The following CSMD1 variants were observed in gnomAD, a reference collection of about 807,000 sequenced individuals.
The protein encoded by CSMD1 is CUB and Sushi multiple domains 1.
In CSMD1, 213 loss-of-function variants were observed where a neutral mutation model predicts 417.5. The observed-to-expected ratio is 0.51, with a 90% confidence interval of 0.46 to 0.57. The LOEUF (loss-of-function observed/expected upper bound fraction) is 0.57, where lower values mean the gene tolerates loss of function less well. CSMD1 is among the 20% of genes least tolerant of loss of function. CSMD1 has a pLI of 0.00. For missense variants in CSMD1, 6,923 were observed against 4,529.7 expected (o/e 1.53, Z -15.17); for synonymous variants, 2,862 against 1,736.8 (o/e 1.65, Z -16.11).
chr8:4,524,884 C>G (rs1796438785), intron 2 of CSMD1, among the ~76,000 whole-genome samples: 1 of 152,066 alleles, frequency 6.6e-6, no homozygotes, highest in Non-Finnish European at 1.5e-5. Flanking sequence ...ACCATGACTT[C>G]TAAGTATTCT....
intron 4 of CSMD1, among the ~76,000 whole-genome samples, chr8:4,028,415 T>A (rs557373675): frequency 3.3e-5 from 5 of 151,992 alleles, no homozygotes; most frequent in South Asian, 2.1e-4. Context: ...TGTGGGGTGG[T>A]GGTAGTAGTA....
At chr8:4,293,258 G>C (rs1482588216) in intron 3 of CSMD1, among the ~76,000 whole-genome samples, 2 of 152,142 alleles carry the variant, frequency 1.3e-5, no homozygotes, top group East Asian at 1.9e-4. Flanking sequence ...GTCGTGGAGA[G>C]ACACAACAAG....
intron 5 of CSMD1, among the ~76,000 whole-genome samples, chr8:3,767,629 A>G (rs1315521118): frequency 2.0e-5 from 3 of 152,234 alleles, no homozygotes; most frequent in African/African-American, 7.2e-5. Context: ...ACTTGCATAT[A>G]TATTCACGCA....
chr8:3,242,006 T>G (rs1799563575), intron 26 of CSMD1, among the ~76,000 whole-genome samples: 1 of 76,558 alleles, frequency 1.3e-5, no homozygotes, highest in Admixed American at 1.3e-4. Flanking sequence ...CTGTAAAGCG[T>G]CTCAGGTTTG....
intron 3 of CSMD1, among the ~76,000 whole-genome samples, chr8:4,065,834 A>G (rs187821834): frequency 7.9e-5 from 12 of 152,316 alleles, no homozygotes; most frequent in African/African-American, 2.2e-4. Flanking sequence ...TTTTTGGAAT[A>G]TATTTTAAAA....
intron 39 of CSMD1, 108 bp downstream of exon 39, chr8:3,157,789 T>C (rs1819626757): frequency 1.1e-6 from 1 of 896,700 alleles, no homozygotes. Flanking sequence ...ATAACACGTG[T>C]TTTGAAATTA....
intron 1 of CSMD1, among the ~76,000 whole-genome samples, chr8:4,790,808 C>G (rs1797646680): frequency 6.6e-6 from 1 of 152,122 alleles, no homozygotes; most frequent in African/African-American, 2.4e-5. Flanking sequence ...AAATTCCTAC[C>G]TTTCACCATA....
In CSMD1 at chr8:3,417,151, G is replaced by A. The variant is rs560456944; in HGVS notation, c.1562-7546C>T. 1.2e-4 allele frequency among the ~76,000 whole-genome samples: 19 copies of A among 152,292 alleles called. No homozygotes were observed. The East Asian group carries it at 3.3e-3, about 26-fold the overall frequency. ...GACATATGAAATATAGCAGGTTGCT[G>A]CAGTCTTTGTTACCATGAAGAGTTG... On this transcript the variant is annotated intron_variant, in intron 12 of 69. Transcript: ENST00000635120.
At chr8:4,989,908 A>G (rs568458048) in intron 1 of CSMD1, among the ~76,000 whole-genome samples, 2 of 152,330 alleles carry the variant, frequency 1.3e-5, no homozygotes, top group Non-Finnish European at 2.9e-5. Context: ...GCTTGACACA[A>G]TAAACTGGAG....
chr8:4,438,381 C>G (rs563062049), intron 2 of CSMD1, among the ~76,000 whole-genome samples: 10 of 152,132 alleles, frequency 6.6e-5, no homozygotes, highest in Non-Finnish European at 2.9e-5. Flanking sequence ...GAGCATGCAG[C>G]TTAATTATAA....
intron 54 of CSMD1, among the ~76,000 whole-genome samples, chr8:2,995,695 C>A (rs1806832951): frequency 6.6e-6 from 1 of 152,140 alleles, no homozygotes. Context: ...ACATCTGTAC[C>A]ATGAAATGCT....
chr8:4,741,832 T>C (rs1034776706), intron 1 of CSMD1, among the ~76,000 whole-genome samples: 9 of 151,822 alleles, frequency 5.9e-5, no homozygotes, highest in Non-Finnish European at 8.8e-5. Flanking sequence ...TTAAGGAGTT[T>C]GGGTGTTATC....
intron 2 of CSMD1, among the ~76,000 whole-genome samples, chr8:4,557,182 G>C (rs998017025): frequency 2.6e-5 from 4 of 152,118 alleles, no homozygotes; most frequent in Admixed American, 2.6e-4. Context: ...GTTAGAATTT[G>C]GTGACGGATT....
chr8:3,034,668 G>A (rs1810555636), intron 50 of CSMD1, among the ~76,000 whole-genome samples: 1 of 152,132 alleles, frequency 6.6e-6, no homozygotes, highest in Non-Finnish European at 1.5e-5. Context: ...TATTTAGGAA[G>A]ACTAGGATGC....
chr8:4,808,065 G>C (rs141090452), intron 1 of CSMD1, among the ~76,000 whole-genome samples: 3 of 152,088 alleles, frequency 2.0e-5, no homozygotes, highest in African/African-American at 4.8e-5. Context: ...AATAATACTC[G>C]TGTGGGCTCA....
At chr8:3,737,766 C>G (rs755648616) in intron 6 of CSMD1, among the ~76,000 whole-genome samples, 1 of 152,176 alleles carries the variant, frequency 6.6e-6, no homozygotes, top group African/African-American at 2.4e-5. Context: ...CATTTAAGCT[C>G]CCATGAAATC....
intron 1 of CSMD1, among the ~76,000 whole-genome samples, chr8:4,821,900 G>C (rs958269526): frequency 3.6e-4 from 55 of 152,206 alleles, no homozygotes; most frequent in African/African-American, 1.3e-3. Context: ...TAAAATGTGT[G>C]TAATCACATT....
chr8:3,443,956 G>C (rs1180793060), intron 12 of CSMD1, among the ~76,000 whole-genome samples: 1 of 152,098 alleles, frequency 6.6e-6, no homozygotes, highest in African/African-American at 2.4e-5. Context: ...ACTGAGAGCG[G>C]GGACACTGGG....
chr8:4,218,423 A>T (rs1048411143), intron 3 of CSMD1, among the ~76,000 whole-genome samples: 1 of 152,202 alleles, frequency 6.6e-6, no homozygotes, highest in East Asian at 1.9e-4. Flanking sequence ...TTTATATTAT[A>T]TACCTACTTT....
Sources: gnomAD v4.1 joint callset for allele counts (sites outside exome capture counted in the v4.1 genomes callset) on GRCh38, gnomAD v4.1.1 for gene constraint, MANE v1.5 for transcripts, NCBI Gene and HGNC (gene_info 2026-07-23, HGNC 2026-07-21) for gene names.